Variants in AFAP1L2 observed in about 807,000 individuals in gnomAD.
AFAP1L2 encodes actin filament associated protein 1 like 2, also known as actin filament-associated protein 1-like 2.
A neutral mutation model predicts 99.3 loss-of-function variants in AFAP1L2; 46 were observed. The ratio of observed to expected loss-of-function variants is 0.46; its 90% confidence interval spans 0.37 to 0.59. AFAP1L2 has a LOEUF of 0.59. Among genes scored for constraint, AFAP1L2 ranks in the 20% least tolerant of loss-of-function variants. The pLI is 0.00. For synonymous variants in AFAP1L2, 397 were observed against 419.1 expected, an observed-to-expected ratio of 0.95 and a Z score of 0.64; for missense variants, 959 against 1,034.9, an observed-to-expected ratio of 0.93 and a Z score of 1.01.
At chr10:114,307,943 C>T in intron 9 of AFAP1L2, 34 bp from the exon 10 acceptor site, 1 of 1,593,112 alleles carries the variant, frequency 6.3e-7, no homozygotes, top group South Asian at 1.1e-5. Context: ...ATTCGTATTG[C>T]ACGTGGTCCA....
At chr10:114,388,500 C>G (rs2056783599) in intron 1 of AFAP1L2, among the ~76,000 whole-genome samples, 1 of 152,192 alleles carries the variant, frequency 6.6e-6, no homozygotes, top group South Asian at 2.1e-4. Flanking sequence ...TTCACGTTGA[C>G]TCATTACTCT....
Position 114,295,923 on chromosome 10 carries a change from C to T in AFAP1L2, c.*119G>A. The stretch of plus-strand genomic sequence containing the variant: ...AGCTGAAGCTCTCCATTCACAGTAC[C>T]TCAGTCTTTGCTTTTTCTTCTAAAC... On this transcript the variant is annotated 3_prime_UTR_variant, in exon 19 of 19. Transcript: ENST00000304129. 1 of 1,593,086 alleles carries T rather than the reference C, an allele frequency of 6.3e-7. No individual in the cohort carries two copies. Among genetic ancestry groups the T allele is most frequent in the Non-Finnish European group, 8.6e-7 (1 of 1,168,314 alleles).
In AFAP1L2 at chr10:114,295,504, A is replaced by G; in HGVS notation, c.*538T>C. ...ATGGTTTTACAGATGATGGTTTTAC[A>G]GATGATGTCAATGCTGTTTAAAATC... On this transcript the variant is annotated 3_prime_UTR_variant, in exon 19 of 19. Coordinates refer to ENST00000304129, the MANE Select transcript of AFAP1L2 (RefSeq NM_001001936.3). The G allele has an allele frequency of 1.0e-6, 1 of 980,252 alleles. No individual in the cohort carries two copies. Among genetic ancestry groups the G allele is most frequent in the Non-Finnish European group, 1.2e-6 (1 of 827,878 alleles). 60.7% of individuals were successfully genotyped at this position (980,252 alleles called of 1,614,324 possible).
At chr10:114,283,492 A>G in the AFAP1L2 span, among the ~76,000 whole-genome samples, 1 of 152,220 alleles carries the variant, frequency 6.6e-6, no homozygotes, top group African/African-American at 2.4e-5. Context: ...TCTGAAGCAC[A>G]GGAGAATCTG....
chr10:114,345,466 A>G (rs973172049), intron 1 of AFAP1L2, among the ~76,000 whole-genome samples: 2 of 152,180 alleles, frequency 1.3e-5, no homozygotes, highest in African/African-American at 4.8e-5. Flanking sequence ...TAAACTCATT[A>G]GTGCATATGG....
intron 5 of AFAP1L2, among the ~76,000 whole-genome samples, chr10:114,320,555 G>A (rs1590129302): frequency 6.6e-6 from 1 of 152,200 alleles, no homozygotes; most frequent in South Asian, 2.1e-4. Context: ...GACAGGCAGG[G>A]CTATGTTCCC....
At position 114,315,773 on chromosome 10, in the gene AFAP1L2, G is replaced by A; in HGVS notation, c.407-8C>T. 2 of 1,607,958 alleles carry A rather than the reference G, an allele frequency of 1.2e-6. No homozygotes were observed. The highest frequency in any genetic ancestry group is 1.7e-6 in the Non-Finnish European group (2 of 1,177,390). ...TCACAGCCTCTCCGTCCTCTGCAAG[G>A]AAGACCAGCTCGGTCAGGGCCCCAT... On this transcript the variant is annotated splice_region_variant and splice_polypyrimidine_tract_variant and intron_variant, in intron 5 of 18. Transcript: ENST00000304129.
In AFAP1L2 at chr10:114,294,855, A is replaced by G. The variant is rs2039935080; in HGVS notation, c.*1187T>C. 1.1e-6 allele frequency: 1 copy of G among 885,482 alleles called. No homozygotes were observed. Among genetic ancestry groups the G allele is most frequent in the South Asian group, 5.6e-5 (1 of 17,714 alleles). The allele number at this position is 885,482 out of a possible 1,614,324, so 54.9% of individuals were successfully genotyped here. On this transcript the variant is annotated 3_prime_UTR_variant, in exon 19 of 19. Coordinates refer to ENST00000304129, the MANE Select transcript of AFAP1L2 (RefSeq NM_001001936.3). Reference sequence around the variant, plus strand: ...TACAATGAACATTTTATTTTAAAAAACCTAACTAACTCACCACTTGGTAAA... The same window carrying G: ...TACAATGAACATTTTATTTTAAAAAGCCTAACTAACTCACCACTTGGTAAA...
intron 1 of AFAP1L2, among the ~76,000 whole-genome samples, chr10:114,355,067 G>A (rs1407949736): frequency 6.6e-6 from 1 of 152,132 alleles, no homozygotes; most frequent in Non-Finnish European, 1.5e-5. Flanking sequence ...AAATCGACAG[G>A]ACCAGGTAAT....
At chr10:114,288,375 T>C in the AFAP1L2 span, among the ~76,000 whole-genome samples, 1 of 152,256 alleles carries the variant, frequency 6.6e-6, no homozygotes, top group South Asian at 2.1e-4. Context: ...ACAGCAGGCA[T>C]GGGCCCATTT....
chr10:114,314,111 G>C (rs1233617459), intron 6 of AFAP1L2, 61 bp from the exon 7 acceptor site: 11 of 1,527,584 alleles, frequency 7.2e-6, no homozygotes, highest in Non-Finnish European at 9.8e-6. Flanking sequence ...GGTGATGTCT[G>C]CAAAGGAGGG....
rs766668278 is a variant in AFAP1L2, at chr10:114,300,351, A to ACT, written c.1798_1799dup (p.Ser600ArgfsTer10). ...TCAGGGAAGGATCCTCTGGCTCCAA[A>ACT]CTCTCCAGCTGCTTTGGGGGAAAGC... is the stretch of plus-strand genomic sequence containing the variant. On this transcript the variant is annotated frameshift_variant, in exon 15 of 19. Transcript: ENST00000304129. LOFTEE classifies it high-confidence loss of function. 1 of 1,614,038 alleles carries ACT rather than the reference A, an allele frequency of 6.2e-7. No individual in the cohort carries two copies. The highest frequency in any genetic ancestry group is 1.1e-5 in the South Asian group (1 of 91,068).
rs1408630222 is a variant in AFAP1L2 at position 114,377,504 on chromosome 10, T to G, written c.16+26936A>C. On this transcript the variant is annotated intron_variant, in intron 1 of 18. Transcript: ENST00000304129. This position sits in a 1 kb window ranked among gnomAD's most constrained non-coding sequence, Gnocchi z 4.0. ...TGACTGATTGCTGTATCATAGACAC[T>G]GTACCATATGCCATATGTACTTAAT... 6.6e-6 allele frequency among the ~76,000 whole-genome samples: 1 copy of G among 152,212 alleles called. No individual in the cohort carries two copies. The highest frequency in any genetic ancestry group is 1.5e-5 in the Non-Finnish European group (1 of 68,050).
the AFAP1L2 span, chr10:114,289,390 C>G: frequency 6.2e-7 from 1 of 1,614,212 alleles, no homozygotes; most frequent in Non-Finnish European, 8.5e-7. Context: ...AAGTGAGGGT[C>G]TGCGGAGGCT....
In AFAP1L2 at chr10:114,377,814, A is replaced by G. The variant is rs1186613419; in HGVS notation, c.16+26626T>C. On this transcript the variant is annotated intron_variant, in intron 1 of 18. Transcript: ENST00000304129. The surrounding 1 kb of genome is among the most constrained non-coding windows in gnomAD (Gnocchi z 4.0). ...GTTGGCCTGAGAGGCTTAAGGAGAGAGCATCACATAGTTGGTTCCATTTCC... is the reference window on the plus strand; with the variant it reads ...GTTGGCCTGAGAGGCTTAAGGAGAGGGCATCACATAGTTGGTTCCATTTCC... Among the ~76,000 whole-genome samples the G allele has an allele frequency of 6.6e-6, 1 of 152,196 alleles. No individual in the cohort carries two copies. Among genetic ancestry groups the G allele is most frequent in the Non-Finnish European group, 1.5e-5 (1 of 68,026 alleles).
At chr10:114,312,964 G>A (rs1210053959) in intron 7 of AFAP1L2, among the ~76,000 whole-genome samples, 1 of 152,198 alleles carries the variant, frequency 6.6e-6, no homozygotes, top group African/African-American at 2.4e-5. Flanking sequence ...CAGTGCCTCA[G>A]GCGGGTACTG....
At chr10:114,394,507 A>G (rs2057485160) in intron 1 of AFAP1L2, among the ~76,000 whole-genome samples, 1 of 152,164 alleles carries the variant, frequency 6.6e-6, no homozygotes, top group Admixed American at 6.5e-5. Context: ...CTCAGTGGGA[A>G]TCCCTTCTTT....
chr10:114,282,487 GTC>G, the AFAP1L2 span: 4 of 1,603,082 alleles, frequency 2.5e-6, no homozygotes, highest in Admixed American at 5.0e-5. Flanking sequence ...CCTCTGATCT[GTC>G]TATAATTCTG....
chr10:114,348,240 G>A (rs949723065), intron 1 of AFAP1L2, among the ~76,000 whole-genome samples: 3 of 151,936 alleles, frequency 2.0e-5, no homozygotes, highest in Non-Finnish European at 4.4e-5. Context: ...TTTTTTATTG[G>A]GATATAATTT....
Sources: gnomAD v4.1 joint callset for allele counts (sites outside exome capture counted in the v4.1 genomes callset) on GRCh38, gnomAD v4.1.1 for gene constraint, Gnocchi (gnomAD v3.1) non-coding constraint, MANE v1.5 for transcripts, NCBI Gene and HGNC (gene_info 2026-07-23, HGNC 2026-07-21) for gene names.